Variants in GALNS observed in about 807,000 individuals in gnomAD.
GALNS encodes the protein galactosamine (N-acetyl)-6-sulfatase.
In GALNS, 65 loss-of-function variants were observed where a neutral mutation model predicts 65.9. That is an observed-to-expected ratio of 0.99 (90% CI 0.81 to 1.21). The LOEUF (loss-of-function observed/expected upper bound fraction) is 1.21, where lower values mean the gene tolerates loss of function less well. Ranked by LOEUF, GALNS falls within the 50% of genes most tolerant of loss-of-function variation. The pLI is 0.00. For synonymous variants in GALNS, 346 were observed against 288.9 expected, an observed-to-expected ratio of 1.20 and a Z score of -2.00; for missense variants, 776 against 700.7, an observed-to-expected ratio of 1.11 and a Z score of -1.21.
chr16:88,835,898 C>G (rs903129664), intron 6 of GALNS, 49 bp from the exon 7 acceptor site: 1 of 1,612,460 alleles, frequency 6.2e-7, no homozygotes, highest in Non-Finnish European at 8.5e-7. Flanking sequence ...CCGACCTCCT[C>G]ATGCCTCCCA....
intron 4 of GALNS, among the ~76,000 whole-genome samples, chr16:88,838,142 G>C (rs1321081399): frequency 6.6e-6 from 1 of 152,176 alleles, no homozygotes; most frequent in African/African-American, 2.4e-5. Context: ...GAGTTTTGCG[G>C]GTCATGCCTC....
At chr16:88,817,668 C>T (rs1567512809) in intron 13 of GALNS, among the ~76,000 whole-genome samples, 1 of 152,178 alleles carries the variant, frequency 6.6e-6, no homozygotes, top group Non-Finnish European at 1.5e-5. Flanking sequence ...GGACCCCGGA[C>T]CCTCTCACGC....
chr16:88,852,301 A>G (rs1056045585), intron 1 of GALNS, among the ~76,000 whole-genome samples: 2 of 152,252 alleles, frequency 1.3e-5, no homozygotes, highest in Non-Finnish European at 1.5e-5. Flanking sequence ...CCTGACTCTT[A>G]TAAGGAAAAT....
intron 1 of GALNS, chr16:88,855,969 T>G: frequency 1.7e-6 from 1 of 585,324 alleles, no homozygotes. Context: ...GTGTGGCAGC[T>G]GAGGTTCAAG....
At position 88,851,966 on chromosome 16, in the gene GALNS, G is replaced by A. The variant is rs138107289; in HGVS notation, c.120+4792C>T. 2.1e-3 allele frequency among the ~76,000 whole-genome samples: 325 copies of A among 152,388 alleles called. 2 individuals are homozygous for A. Among genetic ancestry groups the A allele is most frequent in the African/African-American group, 6.9e-3 (287 of 41,596 alleles). On this transcript the variant is annotated intron_variant, in intron 1 of 13. Transcript: ENST00000268695. ...ACAAAAGGCAGCAGAAACTTCGGCA[G>A]ACTTAAACGTCCCCGTCTGACAGCT...
intron 9 of GALNS, among the ~76,000 whole-genome samples, chr16:88,828,334 G>A (rs1308150375): frequency 2.6e-5 from 4 of 152,378 alleles, no homozygotes; most frequent in African/African-American, 9.6e-5. Context: ...CGTTTTCGAA[G>A]AACTCTCCAG....
chr16:88,850,053 C>A (rs1967434214), intron 1 of GALNS, among the ~76,000 whole-genome samples: 1 of 152,122 alleles, frequency 6.6e-6, no homozygotes, highest in Non-Finnish European at 1.5e-5. Flanking sequence ...AAGCTCCTTG[C>A]CCTCCACCTC....
At chr16:88,844,465 C>T (rs913430288) in intron 1 of GALNS, 3 of 152,280 alleles carry the variant, frequency 2.0e-5, no homozygotes, top group Non-Finnish European at 4.4e-5. Context: ...GAGCGCCCAC[C>T]TCAGCAGGAG....
intron 3 of GALNS, among the ~76,000 whole-genome samples, chr16:88,841,583 G>T (rs112540818): frequency 2.0e-5 from 3 of 152,172 alleles, no homozygotes; most frequent in Non-Finnish European, 4.4e-5. Flanking sequence ...CAGAACTGCC[G>T]CTGATGCCAC....
At chr16:88,836,348 A>G (rs1183835945) in intron 5 of GALNS, 81 bp from the exon 6 acceptor site, 12 of 1,143,290 alleles carry the variant, frequency 1.0e-5, no homozygotes, top group Non-Finnish European at 1.4e-5. Flanking sequence ...CAGCAAAGCC[A>G]TGGGCTTCAT....
chr16:88,832,468 C>T lies in GALNS; in HGVS notation c.899-367G>A, dbSNP rs563523777. Among the ~76,000 whole-genome samples, 43 of 152,284 alleles carry T rather than the reference C, an allele frequency of 2.8e-4. No homozygotes were observed. In the South Asian group the frequency reaches 8.3e-3, roughly 29 times the overall value. On this transcript the variant is annotated intron_variant, in intron 8 of 13. Transcript: ENST00000268695. ...CACAAGCCTCCCGGTGTTTGGGGTA[C>T]TTAAAATGCAGCCAACTTCTGGCCT... is the stretch of plus-strand genomic sequence containing the variant.
intron 1 of GALNS, among the ~76,000 whole-genome samples, chr16:88,849,670 C>G (rs1237840239): frequency 6.6e-6 from 1 of 152,120 alleles, no homozygotes; most frequent in Non-Finnish European, 1.5e-5. Context: ...GCAGTCCACC[C>G]GCCTCCACCT....
chr16:88,836,828 A>G (rs1370542919), intron 5 of GALNS, among the ~76,000 whole-genome samples: 2 of 152,024 alleles, frequency 1.3e-5, no homozygotes, highest in African/African-American at 4.8e-5. Context: ...AGGGCACGAC[A>G]CCAAGGTGAA....
At chr16:88,850,686 G>A (rs542074408) in intron 1 of GALNS, among the ~76,000 whole-genome samples, 6 of 152,334 alleles carry the variant, frequency 3.9e-5, no homozygotes, top group African/African-American at 7.2e-5. Flanking sequence ...GAGACCAGCC[G>A]CAGCGTGGAA....
chr16:88,818,217 C>G, intron 12 of GALNS, 93 bp from the exon 13 acceptor site: 1 of 1,015,764 alleles, frequency 9.8e-7, no homozygotes, highest in Non-Finnish European at 1.5e-6. Context: ...AGAGCTCTAA[C>G]GGGCTGAGAA....
intron 5 of GALNS, 42 bp downstream of exon 5, chr16:88,837,577 ACAG>A: frequency 6.2e-7 from 1 of 1,602,568 alleles, no homozygotes; most frequent in Non-Finnish European, 8.5e-7. Context: ...CACGCCGGGC[ACAG>A]CAGTTCAGGA....
intron 1 of GALNS, chr16:88,843,754 A>G (rs532894478): frequency 0.38 from 59,631 of 158,034 alleles, 12,079 homozygotes; most frequent in East Asian, 0.65. Flanking sequence ...CATTTCCGCT[A>G]AGGCCACCTG....
chr16:88,815,858 G>C, intron 13 of GALNS: 1 of 985,342 alleles, frequency 1.0e-6, no homozygotes, highest in Non-Finnish European at 1.2e-6. Context: ...TTTGAGTCTG[G>C]ATGGGGGATC....
At chr16:88,853,049 C>G (rs9889055) in intron 1 of GALNS, among the ~76,000 whole-genome samples, 63,467 of 151,728 alleles carry the variant, frequency 0.42, 15,924 homozygotes, top group African/African-American at 0.7. Flanking sequence ...TCAGGAGTTT[C>G]AGGCCAGACT....
Sources: allele counts gnomAD v4.1 joint callset (sites outside exome capture counted in the v4.1 genomes callset), GRCh38; gene constraint gnomAD v4.1.1; transcripts MANE v1.5; gene names NCBI Gene and HGNC (gene_info 2026-07-23, HGNC 2026-07-21).